CARMIL1: variants seen among roughly 807,000 people sequenced by gnomAD.
The protein encoded by CARMIL1 is capping protein regulator and myosin 1 linker 1, also known as F-actin-uncapping protein LRRC16A.
A neutral mutation model predicts 177.1 loss-of-function variants in CARMIL1; 90 were observed. The observed-to-expected ratio is 0.51, with a 90% CI of 0.43 to 0.61. CARMIL1 has a LOEUF of 0.61. CARMIL1 is among the 20% of genes least tolerant of loss of function. The pLI is 0.00. For missense variants in CARMIL1, 1,380 were observed against 1,667.0 expected (o/e 0.83, Z 3.00); for synonymous variants, 577 against 606.2 (o/e 0.95, Z 0.71).
intron 2 of CARMIL1, among the ~76,000 whole-genome samples, chr6:25,341,516 G>C (rs1352132022): frequency 1.3e-5 from 2 of 152,230 alleles, no homozygotes; most frequent in Non-Finnish European, 2.9e-5. Context: ...CTGAGGTCAG[G>C]AGTTCAAGAC....
Position 25,472,451 on chromosome 6 carries a change from T to G in CARMIL1, c.804T>G (p.Ser268Arg). The G allele has an allele frequency of 6.3e-7, 1 of 1,579,838 alleles. No homozygotes were observed. The highest frequency in any genetic ancestry group is 8.6e-7 in the Non-Finnish European group (1 of 1,161,994). Residue 268 changes from serine (S) to arginine (R), a missense_variant, in exon 11 of 37, where the codon AGT becomes AGG. Ser to Arg is a moderately radical substitution (Grantham distance 110, BLOSUM62 -1). Coordinates refer to ENST00000329474, the MANE Select transcript of CARMIL1 (RefSeq NM_017640.6). The part of the protein sequence containing the change: ...LRTDFAQKLA[S>R]ALAHNPNSGL... ...GAGATTTTGCACAAAAACTGGCCAG[T>G]GCTCTAGCACATAATCCCAACTCAG...
chr6:25,428,227 G>A (rs570019561), intron 4 of CARMIL1, among the ~76,000 whole-genome samples: 63 of 151,444 alleles, frequency 4.2e-4, no homozygotes, highest in African/African-American at 1.4e-3. Flanking sequence ...TTTTTAGTTT[G>A]TCTTTTTTTT....
chr6:25,452,003 C>A lies in CARMIL1; in HGVS notation c.614+1292C>A, dbSNP rs374294066. On this transcript the variant is annotated intron_variant, in intron 8 of 36. Coordinates refer to ENST00000329474, the MANE Select transcript of CARMIL1 (RefSeq NM_017640.6). The stretch of plus-strand genomic sequence containing the variant: ...AGCATCTTGCCCCCCCCTCCCCCCC[C>A]CAGAATACTGTTTTGAATTATTTTT... 3 of 293,982 alleles carry A rather than the reference C, an allele frequency of 1.0e-5. No individual in the cohort carries two copies. In the East Asian group the frequency reaches 2.6e-4, roughly 25 times the overall value. 18.2% of individuals were successfully genotyped at this position (293,982 alleles called of 1,614,324 possible).
intron 2 of CARMIL1, among the ~76,000 whole-genome samples, chr6:25,354,455 A>G (rs187467419): frequency 1.4e-5 from 2 of 145,310 alleles, no homozygotes; most frequent in Non-Finnish European, 1.5e-5. Flanking sequence ...CTGGGATTAC[A>G]GGAGTGAGCC....
At chr6:25,615,374 G>A (rs1415645280) in intron 36 of CARMIL1, among the ~76,000 whole-genome samples, 1 of 152,156 alleles carries the variant, frequency 6.6e-6, no homozygotes, top group Non-Finnish European at 1.5e-5. Flanking sequence ...GATTTGACAG[G>A]TAAAATGCTT....
At chr6:25,579,376 T>C (rs1052489475) in intron 29 of CARMIL1, among the ~76,000 whole-genome samples, 1 of 152,200 alleles carries the variant, frequency 6.6e-6, no homozygotes, top group African/African-American at 2.4e-5. Context: ...TTGATTATTT[T>C]ACCTACCATG....
intron 33 of CARMIL1, among the ~76,000 whole-genome samples, chr6:25,603,422 C>T (rs2151314108): frequency 6.6e-6 from 1 of 152,330 alleles, no homozygotes; most frequent in East Asian, 1.9e-4. Context: ...AGAAATTCCT[C>T]AGCCTTCCTG....
intron 11 of CARMIL1, chr6:25,479,019 T>C (rs1243435413): frequency 4.3e-6 from 2 of 461,060 alleles, no homozygotes; most frequent in East Asian, 1.1e-4. Flanking sequence ...GGTAGAAATG[T>C]AAAAATTTTT....
intron 2 of CARMIL1, among the ~76,000 whole-genome samples, chr6:25,296,178 C>A (rs1469479508): frequency 6.6e-6 from 1 of 152,186 alleles, no homozygotes; most frequent in African/African-American, 2.4e-5. Flanking sequence ...TGGTCCTTCC[C>A]CACTCCACTA....
intron 26 of CARMIL1, among the ~76,000 whole-genome samples, chr6:25,548,159 C>G (rs1403733177): frequency 6.6e-6 from 1 of 152,170 alleles, no homozygotes; most frequent in African/African-American, 2.4e-5. Context: ...CCAGATACTT[C>G]AGGGATTTTT....
chr6:25,576,786 G>C (rs1812625838), intron 29 of CARMIL1, among the ~76,000 whole-genome samples: 1 of 152,110 alleles, frequency 6.6e-6, no homozygotes, highest in African/African-American at 2.4e-5. Flanking sequence ...AGCTAGATTG[G>C]ATGTCTTAAG....
Position 25,599,927 on chromosome 6 carries a change from T to C in CARMIL1, c.3120-387T>C, listed in dbSNP as rs938760652. Among the ~76,000 whole-genome samples the C allele has an allele frequency of 2.0e-5, 3 of 152,198 alleles. No individual in the cohort carries two copies. In the South Asian group the frequency reaches 6.2e-4, roughly 32 times the overall value. Reference sequence around the variant, plus strand: ...CAATTTCTACTTGGAAGGGAGAAAATTGTACCACCACCTCTGTTTTATGCC... The same window carrying C: ...CAATTTCTACTTGGAAGGGAGAAAACTGTACCACCACCTCTGTTTTATGCC... On this transcript the variant is annotated intron_variant, in intron 32 of 36. Transcript: ENST00000329474.
At chr6:25,320,133 C>T (rs1196030195) in intron 2 of CARMIL1, among the ~76,000 whole-genome samples, 4 of 152,100 alleles carry the variant, frequency 2.6e-5, no homozygotes, top group African/African-American at 9.7e-5. Flanking sequence ...AAAAAACACT[C>T]CAGCAAGGTA....
At chr6:25,463,916 G>A (rs1299118776) in intron 8 of CARMIL1, among the ~76,000 whole-genome samples, 2 of 137,974 alleles carry the variant, frequency 1.4e-5, no homozygotes, top group Non-Finnish European at 3.0e-5. Context: ...TCTGCCTCCC[G>A]GGTTCACGCC....
chr6:25,377,263 G>A (rs1327173932), intron 2 of CARMIL1, among the ~76,000 whole-genome samples: 1 of 152,218 alleles, frequency 6.6e-6, no homozygotes, highest in Non-Finnish European at 1.5e-5. Flanking sequence ...GGCTGTTGGG[G>A]TAGAGCCACA....
intron 8 of CARMIL1, among the ~76,000 whole-genome samples, chr6:25,451,429 G>A (rs1014953355): frequency 6.6e-6 from 1 of 152,160 alleles, no homozygotes; most frequent in African/African-American, 2.4e-5. Context: ...GGCATTGGTA[G>A]GGTGTATATG....
chr6:25,538,051 A>G, intron 25 of CARMIL1, 68 bp downstream of exon 25: 1 of 1,486,852 alleles, frequency 6.7e-7, no homozygotes, highest in South Asian at 1.3e-5. Context: ...TTAGTTTTAG[A>G]AACCAGTTTC....
At chr6:25,569,879 A>T (rs1356074368) in intron 29 of CARMIL1, among the ~76,000 whole-genome samples, 1 of 151,954 alleles carries the variant, frequency 6.6e-6, no homozygotes, top group African/African-American at 2.4e-5. Flanking sequence ...CCCTTTGTTT[A>T]TGTTTTCACA....
intron 5 of CARMIL1, among the ~76,000 whole-genome samples, chr6:25,449,181 G>A (rs982506951): frequency 5.9e-5 from 9 of 152,124 alleles, no homozygotes; most frequent in African/African-American, 1.9e-4. Flanking sequence ...TCAGCCCTGG[G>A]GGGGTTATTC....
Sources: gnomAD v4.1 joint callset for allele counts (sites outside exome capture counted in the v4.1 genomes callset) on GRCh38, gnomAD v4.1.1 for gene constraint, MANE v1.5 for transcripts, NCBI Gene and HGNC (gene_info 2026-07-23, HGNC 2026-07-21) for gene names.